The following TNR variants were observed in gnomAD, a reference collection of about 807,000 sequenced individuals.
TNR encodes tenascin R, also known as tenascin-R.
Under a neutral mutation model 150.4 loss-of-function variants are expected in TNR, and 45 were observed. That is an observed-to-expected ratio of 0.30 (90% CI 0.24 to 0.38). The LOEUF is 0.38. Ranked by LOEUF, TNR falls within the 10% of genes least tolerant of loss-of-function variation. The probability of loss-of-function intolerance (pLI) is 1.00; values close to 1 mark genes in which losing one functional copy is unlikely to be tolerated. For synonymous variants in TNR, 687 were observed against 678.4 expected, an observed-to-expected ratio of 1.01 and a Z score of -0.20; for missense variants, 1,544 against 1,759.1, an observed-to-expected ratio of 0.88 and a Z score of 2.19.
intron 1 of TNR, among the ~76,000 whole-genome samples, chr1:175,720,122 A>C (rs904988292): frequency 1.3e-5 from 2 of 152,218 alleles, no homozygotes; most frequent in African/African-American, 4.8e-5. Context: ...CCTAAACCCC[A>C]GTGTGACAAT....
intron 2 of TNR, among the ~76,000 whole-genome samples, chr1:175,483,339 A>G (rs1657881509): frequency 6.6e-6 from 1 of 152,146 alleles, no homozygotes; most frequent in Admixed American, 6.5e-5. Context: ...AGGAGAGGAC[A>G]TGGAATCTGG....
chr1:175,498,476 ACTGT>A (rs1192913042), intron 2 of TNR, among the ~76,000 whole-genome samples: 2 of 152,246 alleles, frequency 1.3e-5, no homozygotes, highest in East Asian at 1.9e-4. Flanking sequence ...AAAGAGGAAG[ACTGT>A]CTGCTGATGA....
chr1:175,664,177 C>T (rs1226592671), intron 1 of TNR, among the ~76,000 whole-genome samples: 1 of 152,202 alleles, frequency 6.6e-6, no homozygotes, highest in Non-Finnish European at 1.5e-5. Context: ...TTCTCCTTGA[C>T]CAGCTACAGC....
intron 2 of TNR, among the ~76,000 whole-genome samples, chr1:175,428,749 TC>T (rs1557928567): frequency 6.6e-6 from 1 of 152,180 alleles, no homozygotes; most frequent in Non-Finnish European, 1.5e-5. Context: ...CAAGCTTTTT[TC>T]CCCCTGTGCT....
At chr1:175,471,831 C>T (rs540242241) in intron 2 of TNR, among the ~76,000 whole-genome samples, 19 of 152,222 alleles carry the variant, frequency 1.2e-4, no homozygotes, top group South Asian at 6.2e-4. Context: ...ATTTTTAAAA[C>T]GTTTTGACTC....
At chr1:175,426,390 C>T (rs1217547337) in intron 2 of TNR, among the ~76,000 whole-genome samples, 1 of 152,164 alleles carries the variant, frequency 6.6e-6, no homozygotes, top group Non-Finnish European at 1.5e-5. Context: ...GGTGCTGTCG[C>T]TGCTTCCCAT....
intron 2 of TNR, among the ~76,000 whole-genome samples, chr1:175,432,454 G>GA (rs1655317604): frequency 6.6e-6 from 1 of 152,200 alleles, no homozygotes. Flanking sequence ...CCTAAGGATA[G>GA]AAAACGGGCA....
chr1:175,668,291 C>A (rs552821144), intron 1 of TNR, among the ~76,000 whole-genome samples: 41 of 152,302 alleles, frequency 2.7e-4, no homozygotes, highest in African/African-American at 9.4e-4. Context: ...GATAGCCCCA[C>A]ACGTTTTGGT....
chr1:175,680,931 T>C (rs1001607699), intron 1 of TNR, among the ~76,000 whole-genome samples: 12 of 152,232 alleles, frequency 7.9e-5, no homozygotes, highest in South Asian at 6.2e-4. Flanking sequence ...TGGTGTGACA[T>C]TGGGGAAGTT....
At chr1:175,453,706 G>A (rs946085749) in intron 2 of TNR, among the ~76,000 whole-genome samples, 4 of 151,820 alleles carry the variant, frequency 2.6e-5, no homozygotes, top group South Asian at 2.1e-4. Flanking sequence ...CAAGTAGCTG[G>A]GACTACAGGC....
intron 1 of TNR, among the ~76,000 whole-genome samples, chr1:175,728,673 C>A (rs1028702025): frequency 2.0e-5 from 3 of 152,166 alleles, no homozygotes; most frequent in Admixed American, 6.5e-5. Flanking sequence ...GATTTAGTGG[C>A]TCAGGGCCTT....
At chr1:175,652,525 C>G (rs1271901103) in intron 1 of TNR, among the ~76,000 whole-genome samples, 1 of 152,120 alleles carries the variant, frequency 6.6e-6, no homozygotes, top group African/African-American at 2.4e-5. Flanking sequence ...GTTAAATTGG[C>G]AGAGGGGCCT....
chr1:175,703,526 G>A (rs1666760287), intron 1 of TNR, among the ~76,000 whole-genome samples: 1 of 152,058 alleles, frequency 6.6e-6, no homozygotes, highest in South Asian at 2.1e-4. Context: ...GCTAGGGTAG[G>A]GCCTAGACTC....
At chr1:175,533,827 C>A (rs1307269666) in intron 1 of TNR, among the ~76,000 whole-genome samples, 1 of 152,014 alleles carries the variant, frequency 6.6e-6, no homozygotes, top group Admixed American at 6.6e-5. Flanking sequence ...CATGCAGGAG[C>A]TTTGTTGGTG....
At position 175,359,734 on chromosome 1, in the gene TNR, G is replaced by A. The variant is rs371612665; in HGVS notation, c.2855-3C>T. Reference sequence around the variant, plus strand: ...CAGATCCACAGGGTTGTCCATGGCTGAAACAGAATAGATTATCAGTTACAG... The same window carrying A: ...CAGATCCACAGGGTTGTCCATGGCTAAAACAGAATAGATTATCAGTTACAG... On this transcript the variant is annotated splice_polypyrimidine_tract_variant and splice_region_variant and intron_variant, in intron 14 of 22. Coordinates refer to ENST00000367674, the MANE Select transcript of TNR (RefSeq NM_003285.3). The A allele has an allele frequency of 6.2e-7, 1 of 1,606,748 alleles. No homozygotes were observed. The highest frequency in any genetic ancestry group is 1.3e-5 in the African/African-American group (1 of 74,870).
chr1:175,463,313 T>A (rs1656898044), intron 2 of TNR, among the ~76,000 whole-genome samples: 1 of 152,192 alleles, frequency 6.6e-6, no homozygotes, highest in South Asian at 2.1e-4. Flanking sequence ...ACTTGTTGAG[T>A]GTGCTTTATA....
chr1:175,675,371 G>A (rs1012740083), intron 1 of TNR, among the ~76,000 whole-genome samples: 4 of 152,188 alleles, frequency 2.6e-5, no homozygotes, highest in Admixed American at 2.6e-4. Flanking sequence ...AACCCTTTGT[G>A]GAACCCCACT....
chr1:175,500,755 G>T (rs1387240626), intron 2 of TNR, among the ~76,000 whole-genome samples: 1 of 152,226 alleles, frequency 6.6e-6, no homozygotes. Context: ...CAGAAGGGAA[G>T]TCTCCCTGTT....
At chr1:175,725,003 C>T (rs1667441061) in intron 1 of TNR, among the ~76,000 whole-genome samples, 3 of 152,172 alleles carry the variant, frequency 2.0e-5, no homozygotes, top group Admixed American at 6.5e-5. Flanking sequence ...GAGAGAGAAA[C>T]AGGGACTGGA....
Sources: gnomAD v4.1 joint callset for allele counts (sites outside exome capture counted in the v4.1 genomes callset) on GRCh38, gnomAD v4.1.1 for gene constraint, MANE v1.5 for transcripts, NCBI Gene and HGNC (gene_info 2026-07-23, HGNC 2026-07-21) for gene names.